PKNOX2: variants seen among roughly 807,000 people sequenced by gnomAD.
The protein encoded by PKNOX2 is PBX/knotted 1 homeobox 2, also known as homeobox protein PKNOX2.
In PKNOX2, 14 loss-of-function variants were observed where a neutral mutation model predicts 53.1. The observed-to-expected ratio is 0.26, with a 90% CI of 0.17 to 0.41. The LOEUF (loss-of-function observed/expected upper bound fraction) is 0.41. PKNOX2 is among the 10% of genes least tolerant of loss of function. The pLI is 1.00. For missense variants in PKNOX2, 496 were observed against 602.8 expected, an observed-to-expected ratio of 0.82 and a Z score of 1.85; for synonymous variants, 257 against 242.8, an observed-to-expected ratio of 1.06 and a Z score of -0.54.
intron 3 of PKNOX2, among the ~76,000 whole-genome samples, chr11:125,350,338 G>A (rs1951226894): frequency 6.6e-6 from 1 of 152,158 alleles, no homozygotes; most frequent in African/African-American, 2.4e-5. Context: ...ATTGGTGATG[G>A]GGAAATGATG....
At chr11:125,205,752 T>G (rs1939017099) in intron 1 of PKNOX2, among the ~76,000 whole-genome samples, 1 of 152,042 alleles carries the variant, frequency 6.6e-6, no homozygotes, top group Non-Finnish European at 1.5e-5. Flanking sequence ...CACTGCACAT[T>G]TATTGGGCAC....
Position 125,178,647 on chromosome 11 carries a change from AAG to A in PKNOX2, c.-201+13872_-201+13873del, listed in dbSNP as rs1565462449. On this transcript the variant is annotated intron_variant, in intron 1 of 12. Coordinates refer to ENST00000298282, the MANE Select transcript of PKNOX2 (RefSeq NM_001382323.2). ...GAAAGAAAGAAAGAAAGAAAGAAAGAAGGAAGGAAGGAAGGAAGGAAGGAAAG... is the reference window on the plus strand; with the variant it reads ...GAAAGAAAGAAAGAAAGAAAGAAAGAGAAGGAAGGAAGGAAGGAAGGAAAG... Among the ~76,000 whole-genome samples, 8 of 103,596 alleles carry A rather than the reference AAG, an allele frequency of 7.7e-5. 1 individual carries two copies. Among genetic ancestry groups the A allele is most frequent in the African/African-American group, 5.4e-4 (8 of 14,846 alleles). The allele number at this position is 103,596 out of a possible 152,430, so 68.0% of individuals were successfully genotyped here.
At chr11:125,412,727 GGACA>G (rs1427444055) in intron 10 of PKNOX2, among the ~76,000 whole-genome samples, 1 of 152,194 alleles carries the variant, frequency 6.6e-6, no homozygotes, top group Non-Finnish European at 1.5e-5. Flanking sequence ...TGGCATGTCA[GGACA>G]GACAGACACA....
At chr11:125,265,211 C>G (rs1452466643) in intron 2 of PKNOX2, among the ~76,000 whole-genome samples, 2 of 151,796 alleles carry the variant, frequency 1.3e-5, no homozygotes, top group Non-Finnish European at 2.9e-5. Flanking sequence ...GCCGTGAACC[C>G]AGGAAGTGGA....
In PKNOX2 at chr11:125,263,178, G is replaced by T. The variant is rs765775904; in HGVS notation, c.-130+28063G>T. Among the ~76,000 whole-genome samples the T allele has an allele frequency of 1.1e-4, 17 of 152,164 alleles. 1 individual carries two copies. The highest frequency in any genetic ancestry group is 3.3e-4 in the Admixed American group (5 of 15,282). On this transcript the variant is annotated intron_variant, in intron 2 of 12. Transcript: ENST00000298282. ...TTTTCCTTGGGCCTCAGTTTCCCCA[G>T]AAATGCAATGGGGAGGACATTGCCC...
chr11:125,232,970 GA>G (rs59582397), intron 1 of PKNOX2, among the ~76,000 whole-genome samples: 2,410 of 151,464 alleles, frequency 0.016, 58 homozygotes, highest in African/African-American at 0.055. Context: ...AAGAGTCTGT[GA>G]AAAAAAAGTG....
intron 1 of PKNOX2, among the ~76,000 whole-genome samples, chr11:125,183,899 C>T (rs779768383): frequency 6.6e-6 from 1 of 152,116 alleles, no homozygotes; most frequent in Admixed American, 6.5e-5. Flanking sequence ...CATGAATGGG[C>T]TATTACTCTG....
intron 4 of PKNOX2, among the ~76,000 whole-genome samples, chr11:125,363,703 A>T (rs1267598797): frequency 6.6e-6 from 1 of 152,176 alleles, no homozygotes; most frequent in African/African-American, 2.4e-5. Context: ...CAGTTCTGAG[A>T]CCAGCTGTGA....
intron 2 of PKNOX2, chr11:125,287,654 T>A (rs11220007): frequency 1.3e-5 from 2 of 152,076 alleles, no homozygotes; most frequent in Non-Finnish European, 2.9e-5. Flanking sequence ...CTGAGTGGGT[T>A]GGGGAGGAAA....
intron 2 of PKNOX2, among the ~76,000 whole-genome samples, chr11:125,267,570 G>A (rs1945453828): frequency 6.6e-6 from 1 of 152,204 alleles, no homozygotes; most frequent in African/African-American, 2.4e-5. Context: ...TTAAAGGGAT[G>A]GCCTGACTCC....
intron 1 of PKNOX2, among the ~76,000 whole-genome samples, chr11:125,227,537 G>A (rs1055014495): frequency 6.6e-5 from 10 of 152,288 alleles, no homozygotes; most frequent in Admixed American, 2.6e-4. Context: ...CATCCATGTT[G>A]TAGCATGTGT....
chr11:125,254,627 A>G (rs1298415877), intron 2 of PKNOX2, among the ~76,000 whole-genome samples: 1 of 152,186 alleles, frequency 6.6e-6, no homozygotes, highest in Admixed American at 6.5e-5. Context: ...CAGGTTGTGT[A>G]GGGGATCACA....
intron 4 of PKNOX2, among the ~76,000 whole-genome samples, chr11:125,365,825 T>C (rs1245010858): frequency 1.3e-5 from 2 of 152,202 alleles, no homozygotes; most frequent in African/African-American, 2.4e-5. Flanking sequence ...ACTTACACCA[T>C]GTTTTCCTGA....
intron 1 of PKNOX2, among the ~76,000 whole-genome samples, chr11:125,187,457 CT>C (rs1956525067): frequency 6.6e-6 from 1 of 152,044 alleles, no homozygotes; most frequent in African/African-American, 2.4e-5. Flanking sequence ...AAAAAATATA[CT>C]ATTTTAAACA....
intron 5 of PKNOX2, among the ~76,000 whole-genome samples, chr11:125,382,445 G>T (rs906748898): frequency 6.6e-6 from 1 of 152,192 alleles, no homozygotes; most frequent in Non-Finnish European, 1.5e-5. Context: ...CCACCACCTG[G>T]CACGATGCTG....
At chr11:125,382,936 T>G (rs935569578) in intron 5 of PKNOX2, among the ~76,000 whole-genome samples, 8 of 152,124 alleles carry the variant, frequency 5.3e-5, no homozygotes, top group African/African-American at 1.4e-4. Flanking sequence ...ATATTGACCC[T>G]TTTTTTCTGC....
At chr11:125,182,524 T>C (rs570903698) in intron 1 of PKNOX2, among the ~76,000 whole-genome samples, 1 of 152,328 alleles carries the variant, frequency 6.6e-6, no homozygotes, top group Non-Finnish European at 1.5e-5. Context: ...GTGGGGACTG[T>C]AATAACTATG....
chr11:125,415,044 G>A (rs568128605), intron 10 of PKNOX2, among the ~76,000 whole-genome samples: 1 of 152,230 alleles, frequency 6.6e-6, no homozygotes, highest in South Asian at 2.1e-4. Flanking sequence ...GTAGATGTGT[G>A]TGCCTCTCTT....
chr11:125,349,704 G>C (rs1442820833), intron 3 of PKNOX2, among the ~76,000 whole-genome samples: 1 of 152,148 alleles, frequency 6.6e-6, no homozygotes, highest in African/African-American at 2.4e-5. Flanking sequence ...GTTGGTGGTT[G>C]GTAGACATCT....
Sources: allele counts gnomAD v4.1 joint callset (sites outside exome capture counted in the v4.1 genomes callset), GRCh38; gene constraint gnomAD v4.1.1; transcripts MANE v1.5; gene names NCBI Gene and HGNC (gene_info 2026-07-23, HGNC 2026-07-21).